GRK7: variants seen among roughly 807,000 people sequenced by gnomAD.
GRK7 encodes the protein rhodopsin kinase GRK7.
In GRK7, 24 loss-of-function variants were observed where a neutral mutation model predicts 34.1. That is an observed-to-expected ratio of 0.70 (90% CI 0.51 to 0.99). The LOEUF is 0.99. Among genes scored for constraint, GRK7 ranks in the 50% least tolerant of loss-of-function variants. The pLI is 0.00. For missense variants in GRK7, 644 were observed against 707.3 expected (o/e 0.91, Z 1.02); for synonymous variants, 256 against 279.4 (o/e 0.92, Z 0.84).
chr3:141,809,388 T>C (rs1437539939), intron 5 of GRK7, among the ~76,000 whole-genome samples: 1 of 152,038 alleles, frequency 6.6e-6, no homozygotes, highest in Admixed American at 6.6e-5. Context: ...TTGTTTATGA[T>C]AGAATAAGAA....
chr3:141,794,833 G>A (rs899254077), intron 4 of GRK7, among the ~76,000 whole-genome samples: 2 of 152,196 alleles, frequency 1.3e-5, no homozygotes, highest in African/African-American at 4.8e-5. Flanking sequence ...AAGGGAGATG[G>A]GGTGTCAAGA....
intron 4 of GRK7, among the ~76,000 whole-genome samples, chr3:141,804,217 A>T (rs1173069126): frequency 1.3e-5 from 2 of 152,066 alleles, no homozygotes; most frequent in African/African-American, 2.4e-5. Flanking sequence ...AGCTCATATC[A>T]CTATCCTGTG....
rs530806848 is a variant in GRK7 at position 141,777,491 on chromosome 3, A to ATTTT, written c.-113-669_-113-666dup. Among the ~76,000 whole-genome samples, 28 of 80,588 alleles carry ATTTT rather than the reference A, an allele frequency of 3.5e-4. 2 individuals are homozygous for ATTTT. The highest frequency in any genetic ancestry group is 1.5e-3 in the African/African-American group (26 of 16,836). 52.9% of individuals were successfully genotyped at this position (80,588 alleles called of 152,430 possible). ...AGGCGCCCGCCATCAAGCCCGGCTA[A>ATTTT]TTTTTTTTTTTTTTTGTATTTTTTT... is the stretch of plus-strand genomic sequence containing the variant. On this transcript the variant is annotated intron_variant, in intron 2 of 5. Transcript: ENST00000682958.
At chr3:141,755,995 C>T in the GRK7 span, among the ~76,000 whole-genome samples, 2 of 141,404 alleles carry the variant, frequency 1.4e-5, no homozygotes, top group East Asian at 2.0e-4. Context: ...GAATGGAACA[C>T]TACTCAGCAG....
Position 141,778,046 on chromosome 3 carries a change from G to A in GRK7, c.-113-126G>A. 4 of 500,182 alleles carry A rather than the reference G, an allele frequency of 8.0e-6. No individual in the cohort carries two copies. In the East Asian group the frequency reaches 9.8e-5, roughly 12 times the overall value. 31.0% of individuals were successfully genotyped at this position (500,182 alleles called of 1,614,324 possible). ...GGAGGTGGCCCCGGCAGGTGTCCCAGCAGCTTTCGCCTTGGCAGGTGGGAG... is the reference window on the plus strand; with the variant it reads ...GGAGGTGGCCCCGGCAGGTGTCCCAACAGCTTTCGCCTTGGCAGGTGGGAG... On this transcript the variant is annotated intron_variant, in intron 2 of 5. Transcript: ENST00000682958. This position sits in a 1 kb window ranked among gnomAD's most constrained non-coding sequence, Gnocchi z 4.1.
intron 4 of GRK7, among the ~76,000 whole-genome samples, chr3:141,786,673 G>A (rs560292037): frequency 1.1e-4 from 16 of 152,122 alleles, no homozygotes; most frequent in African/African-American, 3.1e-4. Context: ...AGCTACTTGG[G>A]AGGCTGAGGC....
In GRK7 at chr3:141,773,953, A is replaced by G. The variant is rs76639458; in HGVS notation, c.-214-627A>G. 5.0e-3 allele frequency among the ~76,000 whole-genome samples: 754 copies of G among 152,302 alleles called. 2 individuals carry two copies. The highest frequency in any genetic ancestry group is 0.018 in the African/African-American group (731 of 41,564). On this transcript the variant is annotated intron_variant, in intron 1 of 5. Transcript: ENST00000682958. ...TTAGTGCTCTTAACTGTTGGGCCAC[A>G]TCCCCAACCCCAGGTTTCTGGTACG...
At chr3:141,756,334 G>A in the GRK7 span, among the ~76,000 whole-genome samples, 1 of 131,272 alleles carries the variant, frequency 7.6e-6, no homozygotes, top group African/African-American at 3.0e-5. Context: ...AAAGGTGGGG[G>A]GGTGAAAACA....
intron 5 of GRK7, among the ~76,000 whole-genome samples, chr3:141,809,203 AAATAAT>A (rs907322737): frequency 2.6e-5 from 4 of 151,820 alleles, no homozygotes; most frequent in Non-Finnish European, 5.9e-5. Flanking sequence ...CTTCGTCTCA[AAATAAT>A]AATAATAATA....
intron 4 of GRK7, 123 bp downstream of exon 4, chr3:141,780,934 C>T (rs1221407264): frequency 1.1e-5 from 9 of 828,950 alleles, no homozygotes; most frequent in East Asian, 2.7e-5. Flanking sequence ...TTTCCTAAAG[C>T]GCTTACGTTG....
At chr3:141,780,075 C>T (rs73000336) in intron 3 of GRK7, among the ~76,000 whole-genome samples, 28,723 of 152,184 alleles carry the variant, frequency 0.19, 6,716 homozygotes, top group African/African-American at 0.56. Context: ...TTTAACTTTT[C>T]AAGGAGCCAC....
chr3:141,752,331 G>A, the GRK7 span, among the ~76,000 whole-genome samples: 1 of 152,088 alleles, frequency 6.6e-6, no homozygotes, highest in East Asian at 1.9e-4. Context: ...AGGACATTTG[G>A]CGATGTCTGG....
intron 5 of GRK7, among the ~76,000 whole-genome samples, chr3:141,815,201 A>G (rs139024500): frequency 0.018 from 2,784 of 151,480 alleles, 56 homozygotes; most frequent in East Asian, 0.091. Flanking sequence ...CTAGGATTAC[A>G]GGCATGAGCC....
chr3:141,776,606 G>A (rs1006488983), intron 2 of GRK7, among the ~76,000 whole-genome samples: 1 of 152,224 alleles, frequency 6.6e-6, no homozygotes, highest in Non-Finnish European at 1.5e-5. Context: ...TTCCAGCGCA[G>A]CGGTGCAAAG....
intron 4 of GRK7, among the ~76,000 whole-genome samples, chr3:141,795,658 G>A (rs1044141399): frequency 1.3e-5 from 2 of 152,090 alleles, no homozygotes. Context: ...TCAATCTTGG[G>A]GCCAGGTGTG....
upstream of GRK7, among the ~76,000 whole-genome samples, chr3:141,759,461 T>C (rs2107867192): frequency 7.3e-6 from 1 of 136,796 alleles, no homozygotes; most frequent in East Asian, 2.2e-4. Context: ...ATTACATTTA[T>C]TGATTTGCGT....
At position 141,816,860 on chromosome 3, in the gene GRK7, A is replaced by G. The variant is rs866671522; in HGVS notation, c.1472A>G (p.Glu491Gly). The G allele has an allele frequency of 3.1e-6, 5 of 1,614,044 alleles. No individual in the cohort carries two copies. The Admixed American group carries it at 8.3e-5, about 27-fold the overall frequency. The change falls in exon 6 of 6, where the codon GAG becomes GGG. Residue 491 changes from glutamate (E) to glycine (G), a missense_variant. By Grantham distance (98) the Glu-to-Gly change is moderately conservative. Transcript: ENST00000682958. ...KDIAEIDDFS[E>G]VRGVEFDDKD... ...ATCGCTGAAATTGATGATTTCTCTGAGGTTCGGGGGGTGGAATTTGATGAC... is the reference window on the plus strand; with the variant it reads ...ATCGCTGAAATTGATGATTTCTCTGGGGTTCGGGGGGTGGAATTTGATGAC...
intron 4 of GRK7, among the ~76,000 whole-genome samples, chr3:141,802,588 T>G (rs963173195): frequency 6.6e-6 from 1 of 152,192 alleles, no homozygotes; most frequent in Non-Finnish European, 1.5e-5. Context: ...TTCCCTCTAC[T>G]GCCTCCTTTT....
intron 1 of GRK7, among the ~76,000 whole-genome samples, chr3:141,770,075 C>T (rs1486647051): frequency 1.3e-5 from 2 of 152,068 alleles, no homozygotes; most frequent in Admixed American, 1.3e-4. Context: ...CTACCATGCC[C>T]AGCTAATTTT....
Sources: gnomAD v4.1 joint callset for allele counts (sites outside exome capture counted in the v4.1 genomes callset) on GRCh38, gnomAD v4.1.1 for gene constraint, Gnocchi (gnomAD v3.1) non-coding constraint, MANE v1.5 for transcripts, NCBI Gene and HGNC (gene_info 2026-07-23, HGNC 2026-07-21) for gene names.